CNOT6: variants seen among roughly 807,000 people sequenced by gnomAD.
CNOT6 encodes the protein carbon catabolite repression 4 protein.
In CNOT6, 12 loss-of-function variants were observed where a neutral mutation model predicts 61.2. The observed-to-expected ratio is 0.20, with a 90% CI of 0.13 to 0.32. The LOEUF is 0.32. Ranked by LOEUF, CNOT6 falls within the 10% of genes least tolerant of loss-of-function variation. CNOT6 has a pLI of 1.00. For synonymous variants in CNOT6, 225 were observed against 240.6 expected, an observed-to-expected ratio of 0.94 and a Z score of 0.60; for missense variants, 405 against 663.9, an observed-to-expected ratio of 0.61 and a Z score of 4.28.
chr5:180,502,115 T>C (rs1016047191), intron 1 of CNOT6, among the ~76,000 whole-genome samples: 1 of 152,188 alleles, frequency 6.6e-6, no homozygotes, highest in African/African-American at 2.4e-5. Flanking sequence ...GCACCTGTGT[T>C]AGTCACCAGC....
At chr5:180,551,391 GA>G (rs1759596114) in intron 3 of CNOT6, among the ~76,000 whole-genome samples, 1 of 151,992 alleles carries the variant, frequency 6.6e-6, no homozygotes, top group South Asian at 2.1e-4. Context: ...AGAAAGAAAA[GA>G]AATGGTCATT....
At chr5:180,573,552 A>AGTGTGTGTGTGTGT (rs755954581) in intron 11 of CNOT6, among the ~76,000 whole-genome samples, 7 of 119,264 alleles carry the variant, frequency 5.9e-5, no homozygotes, top group Middle Eastern at 8.8e-3. Context: ...GGAGGGGGGC[A>AGTGTGTGTGTGTGT]GTGTGTGTGT....
At chr5:180,507,527 G>A (rs1191077121) in intron 1 of CNOT6, among the ~76,000 whole-genome samples, 3 of 152,118 alleles carry the variant, frequency 2.0e-5, no homozygotes, top group African/African-American at 7.2e-5. Context: ...ACTTGAACTC[G>A]GGAGGCAGAG....
At chr5:180,494,833 C>A (rs1434260958) in intron 1 of CNOT6, 70 bp downstream of exon 1, 1 of 151,972 alleles carries the variant, frequency 6.6e-6, no homozygotes, top group Non-Finnish European at 1.5e-5. Flanking sequence ...GACCGCCCCC[C>A]GTCGGCCGGG....
rs560405209 is a variant in CNOT6, at chr5:180,503,413, G to A, written c.-3+8650G>A. 1.1e-4 allele frequency among the ~76,000 whole-genome samples: 17 copies of A among 151,426 alleles called. No individual in the cohort carries two copies. In the South Asian group the frequency reaches 3.2e-3, roughly 28 times the overall value. The stretch of plus-strand genomic sequence containing the variant: ...CGAGCAGCTGGGATTAGAGGTACGC[G>A]CCACCATGCCTGGCTAATTTTTTGC... On this transcript the variant is annotated intron_variant, in intron 1 of 11. Transcript: ENST00000261951.
At chr5:180,551,191 A>AG (rs562700969) in intron 3 of CNOT6, among the ~76,000 whole-genome samples, 3 of 151,866 alleles carry the variant, frequency 2.0e-5, no homozygotes, top group Non-Finnish European at 4.4e-5. Context: ...CAAAAAAAAA[A>AG]AAAAATCCCC....
chr5:180,562,671 C>T (rs964631780), intron 4 of CNOT6, among the ~76,000 whole-genome samples: 6 of 151,884 alleles, frequency 4.0e-5, no homozygotes, highest in South Asian at 2.1e-4. Context: ...ACCCGGGAGG[C>T]GGAGCTTGCG....
chr5:180,573,883 G>C, intron 11 of CNOT6, 105 bp from the exon 12 acceptor site: 2 of 653,060 alleles, frequency 3.1e-6, no homozygotes. Flanking sequence ...AGTTTCACTT[G>C]TTCTGTTCTG....
At chr5:180,556,063 C>T (rs1759872046) in intron 4 of CNOT6, among the ~76,000 whole-genome samples, 1 of 152,170 alleles carries the variant, frequency 6.6e-6, no homozygotes, top group South Asian at 2.1e-4. Flanking sequence ...CAATCCTATC[C>T]CCTTTACCCA....
At chr5:180,500,991 A>G (rs1366485062) in intron 1 of CNOT6, among the ~76,000 whole-genome samples, 1 of 152,252 alleles carries the variant, frequency 6.6e-6, no homozygotes, top group Middle Eastern at 3.4e-3. Context: ...TGGGAACAAC[A>G]TGGGCTGTGG....
chr5:180,536,603 T>G (rs1758712880), intron 2 of CNOT6, among the ~76,000 whole-genome samples: 1 of 151,914 alleles, frequency 6.6e-6, no homozygotes, highest in Non-Finnish European at 1.5e-5. Context: ...CAACCATGCC[T>G]GGCTTTTTTG....
chr5:180,515,732 A>AC (rs920523895), intron 1 of CNOT6, among the ~76,000 whole-genome samples: 1 of 152,010 alleles, frequency 6.6e-6, no homozygotes, highest in African/African-American at 2.4e-5. Context: ...CTAAAAAAAA[A>AC]GGGGGTCTTT....
intron 11 of CNOT6, among the ~76,000 whole-genome samples, chr5:180,572,715 CT>C (rs35597068): frequency 8.1e-5 from 12 of 148,704 alleles, no homozygotes; most frequent in South Asian, 2.1e-4. Context: ...ATACCCAGAT[CT>C]TTTTTTTTTG....
At chr5:180,567,522 G>A (rs1021351046) in intron 8 of CNOT6, among the ~76,000 whole-genome samples, 2 of 152,008 alleles carry the variant, frequency 1.3e-5, no homozygotes, top group East Asian at 3.8e-4. Context: ...CCTCTATGAC[G>A]GTACAGGGAT....
intron 2 of CNOT6, among the ~76,000 whole-genome samples, chr5:180,538,657 G>A (rs1474237640): frequency 2.0e-5 from 3 of 146,614 alleles, no homozygotes; most frequent in Admixed American, 1.4e-4. Flanking sequence ...CAGCCTGGGC[G>A]ACAGAGCGAG....
intron 4 of CNOT6, among the ~76,000 whole-genome samples, chr5:180,561,356 T>TTGTGTG (rs35909953): frequency 0.072 from 10,406 of 144,686 alleles, 407 homozygotes; most frequent in East Asian, 0.17. Context: ...CTTGTGTGTT[T>TTGTGTG]TGTGTGTGTG....
At chr5:180,549,662 A>G (rs1759500584) in intron 2 of CNOT6, among the ~76,000 whole-genome samples, 1 of 152,000 alleles carries the variant, frequency 6.6e-6, no homozygotes, top group Admixed American at 6.6e-5. Context: ...AAAAAAAAGG[A>G]TAAATTATTT....
chr5:180,495,724 A>C (rs1756582699), intron 1 of CNOT6: 1 of 152,244 alleles, frequency 6.6e-6, no homozygotes, highest in African/African-American at 2.4e-5. Flanking sequence ...GAAGAGGAAG[A>C]GAGTGAATAT....
intron 4 of CNOT6, among the ~76,000 whole-genome samples, chr5:180,561,742 GGTGGTA>G (rs1760199496): frequency 1.3e-5 from 2 of 152,218 alleles, no homozygotes; most frequent in African/African-American, 4.8e-5. Context: ...TTCTGGTGGA[GGTGGTA>G]GTTTTGGCTC....
Sources: allele counts gnomAD v4.1 joint callset (sites outside exome capture counted in the v4.1 genomes callset), GRCh38; gene constraint gnomAD v4.1.1; transcripts MANE v1.5; gene names NCBI Gene and HGNC (gene_info 2026-07-23, HGNC 2026-07-21).